DOCK8: variants seen among roughly 807,000 people sequenced by gnomAD.
The protein encoded by DOCK8 is dedicator of cytokinesis 8.
A neutral mutation model predicts 245.6 loss-of-function variants in DOCK8; 141 were observed. That is an observed-to-expected ratio of 0.57 (90% CI 0.50 to 0.66). The LOEUF (loss-of-function observed/expected upper bound fraction) is 0.66, where lower values mean the gene tolerates loss of function less well. Ranked by LOEUF, DOCK8 falls within the 30% of genes least tolerant of loss-of-function variation. The pLI is 0.00. For synonymous variants in DOCK8, 1,168 were observed against 970.2 expected (o/e 1.20, Z -3.79); for missense variants, 2,965 against 2,603.4 (o/e 1.14, Z -3.02).
chr9:300,449 A>G (rs1389879144), intron 4 of DOCK8, among the ~76,000 whole-genome samples: 1 of 152,178 alleles, frequency 6.6e-6, no homozygotes, highest in Non-Finnish European at 1.5e-5. Context: ...TAGAAAAACA[A>G]TAGCAAACCA....
chr9:247,180 T>A (rs2047525527), intron 1 of DOCK8, among the ~76,000 whole-genome samples: 1 of 152,226 alleles, frequency 6.6e-6, no homozygotes, highest in African/African-American at 2.4e-5. Context: ...CTACATAAAT[T>A]GTTATTTACA....
chr9:390,110 T>G (rs1048021753), intron 23 of DOCK8, among the ~76,000 whole-genome samples: 3 of 151,940 alleles, frequency 2.0e-5, no homozygotes, highest in Admixed American at 6.6e-5. Flanking sequence ...GGCTTGCACA[T>G]GGTCACACAG....
chr9:292,176 G>C (rs1353268765), intron 4 of DOCK8, among the ~76,000 whole-genome samples: 2 of 149,698 alleles, frequency 1.3e-5, no homozygotes, highest in Non-Finnish European at 3.0e-5. Flanking sequence ...TTTGAGACCA[G>C]CCTGACCAAC....
rs11793484 is a variant in DOCK8, at chr9:317,240, C to T, written c.827+112C>T. On this transcript the variant is annotated intron_variant, in intron 7 of 47. Transcript: ENST00000432829. Reference sequence around the variant, plus strand: ...TCAAAGCGGAGCTCCCAAAATACGTCTAACAGTGGGCAGCTGTGGAGTAGT... The same window carrying T: ...TCAAAGCGGAGCTCCCAAAATACGTTTAACAGTGGGCAGCTGTGGAGTAGT... The T allele has an allele frequency of 0.029, 25,613 of 876,366 alleles. 611 individuals are homozygous for T. The highest frequency in any genetic ancestry group is 0.076 in the African/African-American group (4,591 of 60,296). The allele number at this position is 876,366 out of a possible 1,614,324, so 54.3% of individuals were successfully genotyped here.
At chr9:237,993 C>G (rs1456814001) in intron 1 of DOCK8, among the ~76,000 whole-genome samples, 3 of 152,118 alleles carry the variant, frequency 2.0e-5, no homozygotes, top group Non-Finnish European at 4.4e-5. Context: ...TAGTCCGGCC[C>G]CTCCTCTGTA....
chr9:294,772 A>G (rs933950363), intron 4 of DOCK8, among the ~76,000 whole-genome samples: 1 of 152,252 alleles, frequency 6.6e-6, no homozygotes, highest in African/African-American at 2.4e-5. Flanking sequence ...TGGTAAATCC[A>G]TACAATGGAA....
intron 9 of DOCK8, among the ~76,000 whole-genome samples, 158 bp downstream of exon 9, chr9:328,329 A>T (rs1337358163): frequency 1.3e-5 from 2 of 152,106 alleles, no homozygotes; most frequent in African/African-American, 4.8e-5. Context: ...TTCTAAGTAA[A>T]CTGTTTCAGA....
Position 240,123 on chromosome 9 carries a change from T to A in DOCK8, c.53+25094T>A, listed in dbSNP as rs1005824397. On this transcript the variant is annotated intron_variant, in intron 1 of 47. Coordinates refer to ENST00000432829, the MANE Select transcript of DOCK8 (RefSeq NM_203447.4). ...TTCCTTTGCAAGGTTTTGTGTGGCA[T>A]CTGCCTTTAAAAGGTTAAAGATATT... is the stretch of plus-strand genomic sequence containing the variant. Among the ~76,000 whole-genome samples the A allele has an allele frequency of 3.9e-5, 6 of 152,360 alleles. No individual in the cohort carries two copies. In the South Asian group the frequency reaches 1.0e-3, roughly 26 times the overall value.
chr9:211,284 C>T (rs1056400209), upstream of DOCK8, among the ~76,000 whole-genome samples: 19 of 152,132 alleles, frequency 1.2e-4, no homozygotes, highest in Middle Eastern at 3.4e-3. Flanking sequence ...GCTTTAGGGA[C>T]AAGCTGGAGA....
In DOCK8 at chr9:334,292, G is replaced by A. The variant is rs147287319; in HGVS notation, c.1193G>A (p.Arg398Gln). The A allele has an allele frequency of 4.7e-4, 753 of 1,614,132 alleles. 3 individuals are homozygous for A. Among genetic ancestry groups the A allele is most frequent in the Non-Finnish European group, 5.6e-4 (661 of 1,180,014 alleles). Residue 398 changes from arginine (R) to glutamine (Q), a missense_variant, in exon 11 of 48, where the codon CGG (arginine) becomes CAG (glutamine). Transcript: ENST00000432829. ...ESFCQRLGKY[R>Q]MPFAWAPISL... ...TTCTGCCAGCGTTTGGGGAAATACC[G>A]GATGCCCTTTGCCTGGGCACCCATA...
intron 33 of DOCK8, among the ~76,000 whole-genome samples, chr9:422,725 C>A (rs1416246710): frequency 6.6e-6 from 1 of 152,220 alleles, no homozygotes; most frequent in Non-Finnish European, 1.5e-5. Context: ...TGGCTCACGC[C>A]TGTAATCCCA....
At chr9:361,311 CCAGA>C (rs1174392834) in intron 14 of DOCK8, among the ~76,000 whole-genome samples, 1 of 152,008 alleles carries the variant, frequency 6.6e-6, no homozygotes, top group Non-Finnish European at 1.5e-5. Flanking sequence ...AGAGAGGATC[CCAGA>C]CAGATTGATT....
intron 28 of DOCK8, among the ~76,000 whole-genome samples, chr9:411,662 A>G (rs774804322): frequency 3.9e-5 from 6 of 152,168 alleles, no homozygotes; most frequent in Non-Finnish European, 5.9e-5. Flanking sequence ...ACAGGCCAGT[A>G]TCTGATGAAT....
At chr9:317,416 C>A (rs763576133) in intron 7 of DOCK8, among the ~76,000 whole-genome samples, 4 of 152,090 alleles carry the variant, frequency 2.6e-5, no homozygotes, top group African/African-American at 9.7e-5. Flanking sequence ...AGAAAAATAG[C>A]GCTTAAGTCA....
intron 3 of DOCK8, 45 bp downstream of exon 3, chr9:286,681 T>C (rs2048837585): frequency 1.3e-6 from 2 of 1,592,078 alleles, no homozygotes; most frequent in East Asian, 2.2e-5. Context: ...ATTGTCATGA[T>C]TGTTTTCAAT....
At chr9:302,923 G>T (rs779017061) in intron 4 of DOCK8, among the ~76,000 whole-genome samples, 2 of 151,640 alleles carry the variant, frequency 1.3e-5, no homozygotes, top group Non-Finnish European at 2.9e-5. Flanking sequence ...AAGCCAGGAG[G>T]TTGAGACCAG....
At chr9:440,264 C>T (rs2057052301) in intron 40 of DOCK8, among the ~76,000 whole-genome samples, 2 of 152,168 alleles carry the variant, frequency 1.3e-5, no homozygotes, top group South Asian at 2.1e-4. Context: ...AAGTGATCTG[C>T]CCATCTTGGC....
Position 325,653 on chromosome 9 carries a change from CCT to C in DOCK8, c.828-13_828-12del. On this transcript the variant is annotated splice_polypyrimidine_tract_variant and intron_variant, in intron 7 of 47. Coordinates refer to ENST00000432829, the MANE Select transcript of DOCK8 (RefSeq NM_203447.4). ...TCTAACTCAAAGCCACATAGATTTTCCTCTCTTTCTATGGTAGGTTCGAGATT... is the reference window on the plus strand; with the variant it reads ...TCTAACTCAAAGCCACATAGATTTTCCTCTTTCTATGGTAGGTTCGAGATT... 1 of 1,609,834 alleles carries C rather than the reference CCT, an allele frequency of 6.2e-7. No homozygotes were observed. The highest frequency in any genetic ancestry group is 8.5e-7 in the Non-Finnish European group (1 of 1,176,142).
At chr9:390,338 C>G in intron 23 of DOCK8, 133 bp from the exon 24 acceptor site, 1 of 830,638 alleles carries the variant, frequency 1.2e-6, no homozygotes, top group Non-Finnish European at 2.0e-6. Flanking sequence ...CACTTACTGC[C>G]TAGAACATCT....
Sources: gnomAD v4.1 joint callset for allele counts (sites outside exome capture counted in the v4.1 genomes callset) on GRCh38, gnomAD v4.1.1 for gene constraint, MANE v1.5 for transcripts, NCBI Gene and HGNC (gene_info 2026-07-23, HGNC 2026-07-21) for gene names.